KCNMA1: variants seen among roughly 807,000 people sequenced by gnomAD.
The protein encoded by KCNMA1 is potassium calcium-activated channel subfamily M alpha 1, also known as Calcium-activated potassium channel subunit alpha-1.
Under a neutral mutation model 140.0 loss-of-function variants are expected in KCNMA1, and 29 were observed. The observed-to-expected ratio is 0.21, with a 90% CI of 0.15 to 0.28. KCNMA1 has a LOEUF of 0.28. Among genes scored for constraint, KCNMA1 ranks in the 10% least tolerant of loss-of-function variants. The pLI, the probability that KCNMA1 is intolerant of heterozygous loss-of-function variation, is 1.00. For missense variants in KCNMA1, 880 were observed against 1,602.2 expected, an observed-to-expected ratio of 0.55 and a Z score of 7.70; for synonymous variants, 612 against 611.9, an observed-to-expected ratio of 1.00 and a Z score of 0.00.
intron 2 of KCNMA1, among the ~76,000 whole-genome samples, chr10:77,341,366 T>G (rs1353459726): frequency 6.6e-6 from 1 of 152,190 alleles, no homozygotes. Context: ...TATTTCTCAG[T>G]GTTTTCTCAT....
At chr10:77,144,383 T>G (rs1176121753) in intron 5 of KCNMA1, among the ~76,000 whole-genome samples, 1 of 152,116 alleles carries the variant, frequency 6.6e-6, no homozygotes, top group East Asian at 1.9e-4. Context: ...TAATCTATAG[T>G]GATTGAAGCC....
At chr10:77,226,820 T>C (rs2051615473) in intron 3 of KCNMA1, among the ~76,000 whole-genome samples, 1 of 152,188 alleles carries the variant, frequency 6.6e-6, no homozygotes, top group South Asian at 2.1e-4. Flanking sequence ...GACAGCCACA[T>C]ACTCCTGAGT....
At chr10:76,876,517 T>G (rs2151412687), downstream of KCNMA1, 1 of 152,738 alleles carries the variant, frequency 6.5e-6, no homozygotes, top group East Asian at 1.9e-4. Context: ...GCTAATTTAT[T>G]TGATTTCACT....
intron 1 of KCNMA1, among the ~76,000 whole-genome samples, chr10:77,560,818 T>C (rs981987677): frequency 7.2e-5 from 11 of 152,224 alleles, no homozygotes; most frequent in African/African-American, 2.7e-4. Context: ...TCATTCTCTC[T>C]TTATAAAGTC....
intron 1 of KCNMA1, chr10:77,635,930 C>G (rs557561526): frequency 1.7e-3 from 281 of 163,430 alleles, no homozygotes; most frequent in African/African-American, 6.4e-3. Flanking sequence ...CTCCTTCCCC[C>G]CTGGTGTTTT....
At chr10:77,545,425 C>T (rs1421803729) in intron 1 of KCNMA1, among the ~76,000 whole-genome samples, 1 of 152,116 alleles carries the variant, frequency 6.6e-6, no homozygotes, top group Non-Finnish European at 1.5e-5. Flanking sequence ...AGTGTGAATC[C>T]TCCACACACG....
At chr10:77,148,377 G>A (rs2098351764) in intron 5 of KCNMA1, 1 of 152,132 alleles carries the variant, frequency 6.6e-6, no homozygotes, top group African/African-American at 2.4e-5. Flanking sequence ...CTTCCAAAAG[G>A]GGACTCTTGA....
At chr10:76,871,431 C>A (rs1318760979) in exon 28 of KCNMA1, 2 of 152,320 alleles carry the variant, frequency 1.3e-5, no homozygotes. Context: ...CACATCCAGT[C>A]CCTACAATCC....
At chr10:77,507,937 C>A (rs552876061) in intron 1 of KCNMA1, among the ~76,000 whole-genome samples, 4 of 152,276 alleles carry the variant, frequency 2.6e-5, no homozygotes, top group East Asian at 1.9e-4. Context: ...TGCAGTGCAA[C>A]CTGAAACACT....
At chr10:77,523,040 C>A (rs4979889) in intron 1 of KCNMA1, among the ~76,000 whole-genome samples, 2 of 151,884 alleles carry the variant, frequency 1.3e-5, no homozygotes, top group Admixed American at 1.3e-4. Context: ...ACCCTCCATG[C>A]CACAGGTGGG....
intron 2 of KCNMA1, chr10:77,309,732 G>C (rs1334422532): frequency 6.6e-6 from 1 of 152,262 alleles, no homozygotes; most frequent in Non-Finnish European, 1.5e-5. Flanking sequence ...CTCATTCCAG[G>C]CTCAAGGAAC....
At chr10:77,005,424 G>A (rs1177716440) in intron 18 of KCNMA1, among the ~76,000 whole-genome samples, 1 of 152,160 alleles carries the variant, frequency 6.6e-6, no homozygotes, top group Non-Finnish European at 1.5e-5. Context: ...CCTGAGACTG[G>A]GAGCAGACAA....
At chr10:77,494,870 T>C (rs1567152091) in intron 1 of KCNMA1, among the ~76,000 whole-genome samples, 1 of 152,230 alleles carries the variant, frequency 6.6e-6, no homozygotes, top group East Asian at 1.9e-4. Flanking sequence ...CTAGTTTTCT[T>C]GTCCTTCCTT....
intron 2 of KCNMA1, among the ~76,000 whole-genome samples, chr10:77,393,277 T>C (rs534638302): frequency 5.1e-5 from 3 of 58,826 alleles, no homozygotes; most frequent in African/African-American, 1.9e-4. Flanking sequence ...GCTCAAGGGC[T>C]GTTCTTCTAC....
At chr10:76,991,247 C>G (rs1362239554) in intron 19 of KCNMA1, among the ~76,000 whole-genome samples, 1 of 152,216 alleles carries the variant, frequency 6.6e-6, no homozygotes, top group South Asian at 2.1e-4. Flanking sequence ...GTGAATGTCA[C>G]AAGTCCTTGA....
At chr10:77,302,026 G>A (rs1025387527) in intron 2 of KCNMA1, among the ~76,000 whole-genome samples, 13 of 151,950 alleles carry the variant, frequency 8.6e-5, no homozygotes, top group East Asian at 1.9e-4. Flanking sequence ...TTAGGGGTGC[G>A]CCATGTCCTA....
At chr10:76,927,765 G>A (rs2058133002) in intron 23 of KCNMA1, among the ~76,000 whole-genome samples, 1 of 152,096 alleles carries the variant, frequency 6.6e-6, no homozygotes, top group African/African-American at 2.4e-5. Context: ...AAAAAGGAAA[G>A]GGTCAGGTAA....
chr10:77,374,002 G>C (rs2094916516), intron 2 of KCNMA1, among the ~76,000 whole-genome samples: 1 of 152,190 alleles, frequency 6.6e-6, no homozygotes, highest in Non-Finnish European at 1.5e-5. Context: ...TGGATAATGG[G>C]AGATGAGATG....
At chr10:76,935,021 CA>C (rs1424088232) in intron 23 of KCNMA1, among the ~76,000 whole-genome samples, 1 of 152,178 alleles carries the variant, frequency 6.6e-6, no homozygotes, top group East Asian at 1.9e-4. Context: ...ACAAGAAAAA[CA>C]GAAAAGAAAG....
Sources: allele counts gnomAD v4.1 joint callset (sites outside exome capture counted in the v4.1 genomes callset), GRCh38; gene constraint gnomAD v4.1.1; transcripts MANE v1.5; gene names NCBI Gene and HGNC (gene_info 2026-07-23, HGNC 2026-07-21).